The following OPCML variants were observed in gnomAD, a reference collection of about 807,000 sequenced individuals.
OPCML encodes opioid binding protein/cell adhesion molecule like, also known as opioid-binding protein/cell adhesion molecule.
In OPCML, 13 loss-of-function variants were observed where a neutral mutation model predicts 37.8. The observed-to-expected ratio is 0.34, with a 90% CI of 0.22 to 0.55. The LOEUF is 0.55. Among genes scored for constraint, OPCML ranks in the 20% least tolerant of loss-of-function variants. The pLI is 0.91. For missense variants in OPCML, 341 were observed against 435.6 expected, an observed-to-expected ratio of 0.78 and a Z score of 1.93; for synonymous variants, 176 against 168.8, an observed-to-expected ratio of 1.04 and a Z score of -0.33.
intron 2 of OPCML, among the ~76,000 whole-genome samples, chr11:132,826,057 C>G (rs1362241453): frequency 6.6e-6 from 1 of 152,204 alleles, no homozygotes; most frequent in Non-Finnish European, 1.5e-5. Context: ...GACGTGGCTA[C>G]TGTTGGCATG....
In OPCML at chr11:132,975,565, A is replaced by G. The variant is rs1181856734; in HGVS notation, c.62-32555T>C. On this transcript the variant is annotated intron_variant, in intron 1 of 7. Coordinates refer to ENST00000524381, the MANE Select transcript of OPCML (RefSeq NM_001012393.5). ...AAAAAAAAAAAAAAAAAAAAAAAAA[A>G]AAAAAAAAAAAAAAAAAACAAGCAC... Among the ~76,000 whole-genome samples the G allele has an allele frequency of 3.5e-4, 32 of 90,746 alleles. 2 individuals are homozygous for G. The East Asian group carries it at 0.013, about 37-fold the overall frequency. The allele number at this position is 90,746 out of a possible 152,430, so 59.5% of individuals were successfully genotyped here.
chr11:133,416,572 G>T (rs1029547244), intron 1 of OPCML, among the ~76,000 whole-genome samples: 1 of 152,150 alleles, frequency 6.6e-6, no homozygotes, highest in South Asian at 2.1e-4. Flanking sequence ...GACTGTCCTT[G>T]TTCATCTGAC....
At chr11:133,096,635 T>A (rs1481940970) in intron 1 of OPCML, among the ~76,000 whole-genome samples, 1 of 151,826 alleles carries the variant, frequency 6.6e-6, no homozygotes. Flanking sequence ...GCCTACAGAA[T>A]CCCTTCTTAA....
intron 4 of OPCML, among the ~76,000 whole-genome samples, chr11:132,475,709 T>C (rs566932375): frequency 2.0e-5 from 3 of 152,216 alleles, no homozygotes; most frequent in Non-Finnish European, 4.4e-5. Flanking sequence ...AAAATATTTC[T>C]GTTGTTTAAG....
chr11:133,493,999 TCAAA>T (rs1160911217), intron 1 of OPCML, among the ~76,000 whole-genome samples: 4 of 127,556 alleles, frequency 3.1e-5, no homozygotes, highest in East Asian at 2.1e-4. Context: ...AACAATGAAC[TCAAA>T]CAAATTTACA....
intron 3 of OPCML, among the ~76,000 whole-genome samples, chr11:132,578,403 A>G (rs1354658713): frequency 6.6e-6 from 1 of 152,214 alleles, no homozygotes; most frequent in Admixed American, 6.5e-5. Context: ...AGGATGTTCT[A>G]CATCCGTCAC....
intron 1 of OPCML, among the ~76,000 whole-genome samples, chr11:133,129,202 CAG>C (rs749625812): frequency 6.6e-5 from 10 of 151,252 alleles, no homozygotes; most frequent in South Asian, 4.2e-4. Flanking sequence ...GTTAGCTACA[CAG>C]AGAGAGAGCT....
At chr11:132,954,519 C>G (rs1281245557) in intron 1 of OPCML, among the ~76,000 whole-genome samples, 2 of 152,100 alleles carry the variant, frequency 1.3e-5, no homozygotes, top group Non-Finnish European at 2.9e-5. Flanking sequence ...GATGAGTGAA[C>G]AGCGTTGCCA....
At chr11:133,016,997 G>T (rs1161072382) in intron 1 of OPCML, among the ~76,000 whole-genome samples, 2 of 152,186 alleles carry the variant, frequency 1.3e-5, no homozygotes, top group Admixed American at 6.5e-5. Context: ...CTTTTCTCAG[G>T]CTGTGAACTG....
chr11:132,953,415 G>A (rs1945906081), intron 1 of OPCML, among the ~76,000 whole-genome samples: 1 of 152,016 alleles, frequency 6.6e-6, no homozygotes, highest in South Asian at 2.1e-4. Flanking sequence ...GGGAAGCATG[G>A]GCATCAACTA....
At chr11:132,507,713 T>C (rs2096260444) in intron 4 of OPCML, among the ~76,000 whole-genome samples, 2 of 151,824 alleles carry the variant, frequency 1.3e-5, no homozygotes, top group Non-Finnish European at 2.9e-5. Flanking sequence ...TTTTAAACAA[T>C]TCATAGTTCA....
chr11:133,054,343 C>A (rs192796705), intron 1 of OPCML, among the ~76,000 whole-genome samples: 9 of 152,292 alleles, frequency 5.9e-5, no homozygotes, highest in Non-Finnish European at 1.2e-4. Flanking sequence ...GGCACCTGCA[C>A]CCTTTTCTAA....
chr11:133,287,267 C>T (rs1041445183), intron 1 of OPCML, among the ~76,000 whole-genome samples: 191 of 136,210 alleles, frequency 1.4e-3, no homozygotes, highest in East Asian at 6.4e-4. Flanking sequence ...CTTTTTCTTT[C>T]TTTCTTTCTT....
rs141120459 is a variant in OPCML, at chr11:133,117,352, G to A, written c.62-174342C>T. Among the ~76,000 whole-genome samples, 506 of 152,272 alleles carry A rather than the reference G, an allele frequency of 3.3e-3. 3 individuals are homozygous for A. The highest frequency in any genetic ancestry group is 8.3e-3 in the African/African-American group (346 of 41,544). On this transcript the variant is annotated intron_variant, in intron 1 of 7. Transcript: ENST00000524381. ...ATTTATCTCACAGCTTGAACATTTA[G>A]GTGTTCTCATTGCCCTTGAGGAGAA...
In OPCML at chr11:132,437,445, G is replaced by A. The variant is rs1445710901; in HGVS notation, c.506-86C>T. 5.2e-6 allele frequency: 8 copies of A among 1,546,734 alleles called. No homozygotes were observed. The East Asian group carries it at 1.4e-4, about 27-fold the overall frequency. On this transcript the variant is annotated intron_variant, in intron 4 of 7. Coordinates refer to ENST00000524381, the MANE Select transcript of OPCML (RefSeq NM_001012393.5). Reference sequence around the variant, plus strand: ...TATTCACATCTAGAGATTGTAGGAGGAGGAAGAGAAAAAGCCATCAGAATG... The same window carrying A: ...TATTCACATCTAGAGATTGTAGGAGAAGGAAGAGAAAAAGCCATCAGAATG...
At chr11:133,465,988 C>T (rs576352818) in intron 1 of OPCML, among the ~76,000 whole-genome samples, 3 of 152,240 alleles carry the variant, frequency 2.0e-5, no homozygotes, top group Non-Finnish European at 2.9e-5. Context: ...CAATGCCTTA[C>T]AAAATAAAAT....
chr11:133,242,506 C>T (rs1392609502), intron 1 of OPCML, among the ~76,000 whole-genome samples: 1 of 152,184 alleles, frequency 6.6e-6, no homozygotes, highest in East Asian at 1.9e-4. Context: ...CTCTCCTTGG[C>T]TTGCACATGG....
intron 1 of OPCML, among the ~76,000 whole-genome samples, chr11:133,153,960 C>T (rs1012709347): frequency 6.6e-6 from 1 of 151,980 alleles, no homozygotes; most frequent in Non-Finnish European, 1.5e-5. Flanking sequence ...ACCGAGAACA[C>T]GGAAGTGCCC....
intron 2 of OPCML, among the ~76,000 whole-genome samples, chr11:132,768,563 G>T (rs1946535226): frequency 6.6e-6 from 1 of 152,144 alleles, no homozygotes; most frequent in African/African-American, 2.4e-5. Context: ...CAATTAATGT[G>T]TGTAGCTATC....
Sources: allele counts gnomAD v4.1 joint callset (sites outside exome capture counted in the v4.1 genomes callset), GRCh38; gene constraint gnomAD v4.1.1; transcripts MANE v1.5; gene names NCBI Gene and HGNC (gene_info 2026-07-23, HGNC 2026-07-21).